THSD7B: variants seen among roughly 807,000 people sequenced by gnomAD.
The protein encoded by THSD7B is thrombospondin type-1 domain-containing protein 7B.
A neutral mutation model predicts 213.6 loss-of-function variants in THSD7B; 138 were observed. The observed-to-expected ratio is 0.65, with a 90% CI of 0.56 to 0.74. The LOEUF (loss-of-function observed/expected upper bound fraction) is 0.74, where lower values mean the gene tolerates loss of function less well. THSD7B is among the 30% of genes least tolerant of loss of function. The probability of loss-of-function intolerance (pLI) is 0.00; values close to 1 mark genes in which losing one functional copy is unlikely to be tolerated. For missense variants in THSD7B, 1,931 were observed against 1,991.5 expected (o/e 0.97, Z 0.58); for synonymous variants, 742 against 687.0 (o/e 1.08, Z -1.25).
At chr2:136,998,944 A>G (rs1174880790) in intron 2 of THSD7B, among the ~76,000 whole-genome samples, 1 of 148,184 alleles carries the variant, frequency 6.7e-6, no homozygotes, top group African/African-American at 2.6e-5. Context: ...ACACACACAC[A>G]CACACACACA....
intron 12 of THSD7B, among the ~76,000 whole-genome samples, chr2:137,347,982 A>G (rs1271957413): frequency 6.6e-6 from 1 of 151,412 alleles, no homozygotes; most frequent in Admixed American, 6.6e-5. Context: ...AAAAAAAAAC[A>G]TAGAAAGCAT....
chr2:137,369,923 T>A (rs1685505181), intron 12 of THSD7B, among the ~76,000 whole-genome samples: 1 of 152,182 alleles, frequency 6.6e-6, no homozygotes, highest in Non-Finnish European at 1.5e-5. Flanking sequence ...TAGTAAGCCA[T>A]TAAAACATGA....
At chr2:137,353,637 T>G (rs1685062980) in intron 12 of THSD7B, among the ~76,000 whole-genome samples, 1 of 152,118 alleles carries the variant, frequency 6.6e-6, no homozygotes, top group South Asian at 2.1e-4. Context: ...TGGCATTCTT[T>G]TAAGTGTTTT....
At chr2:137,656,665 C>A in intron 22 of THSD7B, 131 bp from the exon 23 acceptor site, 1 of 751,772 alleles carries the variant, frequency 1.3e-6, no homozygotes, top group Non-Finnish European at 2.0e-6. Flanking sequence ...GAAAATTGAT[C>A]AATATAGAAT....
intron 4 of THSD7B, among the ~76,000 whole-genome samples, chr2:137,103,057 A>G (rs1351630273): frequency 6.6e-6 from 1 of 152,158 alleles, no homozygotes; most frequent in Non-Finnish European, 1.5e-5. Flanking sequence ...ATACTCCTCA[A>G]TAAGAGCAAC....
Position 136,821,111 on chromosome 2 carries a change from T to C in THSD7B, c.-36+55424T>C, listed in dbSNP as rs143917444. ...ATATTCTTGCAACCTTTCTGTGAGT[T>C]TGATGTTTTTAATGAAAATTAGAAA... On this transcript the variant is annotated intron_variant, in intron 1 of 27. Coordinates refer to ENST00000409968, the MANE Select transcript of THSD7B (RefSeq NM_001316349.2). Among the ~76,000 whole-genome samples the C allele has an allele frequency of 4.7e-4, 72 of 152,314 alleles. 1 individual carries two copies. The East Asian group carries it at 0.013, about 27-fold the overall frequency.
In THSD7B at chr2:137,115,289, G is replaced by T; in HGVS notation, c.1365G>T (p.Lys455Asn). ...SVPAAAALRA[K>N]EVSRPVEKAL... ...CAGCAGCTGCCGCACTGAGGGCCAAGGAAGGTAGGCAGCCAGTTCCGGGAC... is the reference window on the plus strand; with the variant it reads ...CAGCAGCTGCCGCACTGAGGGCCAATGAAGGTAGGCAGCCAGTTCCGGGAC... Residue 455 changes from lysine (K) to asparagine (N), a missense_variant, in exon 5 of 28, where the codon AAG becomes AAT. By Grantham distance (94) the Lys-to-Asn change is moderately conservative. Coordinates refer to ENST00000409968, the MANE Select transcript of THSD7B (RefSeq NM_001316349.2). 1 of 1,557,336 alleles carries T rather than the reference G, an allele frequency of 6.4e-7. No individual in the cohort carries two copies.
chr2:137,216,925 C>T (rs1317937033), intron 7 of THSD7B, among the ~76,000 whole-genome samples: 1 of 152,158 alleles, frequency 6.6e-6, no homozygotes, highest in Non-Finnish European at 1.5e-5. Context: ...CCTGTATCTT[C>T]TAAGAGATAT....
At chr2:137,260,047 A>G (rs79810165) in intron 10 of THSD7B, among the ~76,000 whole-genome samples, 3,390 of 152,254 alleles carry the variant, frequency 0.022, 51 homozygotes, top group East Asian at 0.052. Context: ...CCCAACGGCC[A>G]GTGCTCCAAA....
chr2:136,795,229 T>C (rs1682040633), intron 1 of THSD7B, among the ~76,000 whole-genome samples: 1 of 151,962 alleles, frequency 6.6e-6, no homozygotes, highest in East Asian at 1.9e-4. Context: ...GTATTTCTTT[T>C]GGAGTGTCAA....
At chr2:137,277,229 A>G (rs1682896227) in intron 12 of THSD7B, among the ~76,000 whole-genome samples, 1 of 152,076 alleles carries the variant, frequency 6.6e-6, no homozygotes, top group Admixed American at 6.6e-5. Context: ...CTGCAAGGAT[A>G]TTGTATGTAA....
At chr2:136,803,769 G>T (rs1217410014) in intron 1 of THSD7B, among the ~76,000 whole-genome samples, 7 of 152,140 alleles carry the variant, frequency 4.6e-5, no homozygotes, top group African/African-American at 1.4e-4. Flanking sequence ...CAAGTCCAAA[G>T]TCTGAGCATC....
At chr2:137,272,844 T>G (rs1682777520) in intron 11 of THSD7B, among the ~76,000 whole-genome samples, 182 bp downstream of exon 11, 1 of 152,020 alleles carries the variant, frequency 6.6e-6, no homozygotes, top group East Asian at 1.9e-4. Context: ...AGTAGAGATA[T>G]GAAAGTCTAA....
At chr2:137,195,297 A>C (rs994677027) in intron 7 of THSD7B, among the ~76,000 whole-genome samples, 3 of 151,880 alleles carry the variant, frequency 2.0e-5, no homozygotes, top group Non-Finnish European at 2.9e-5. Context: ...GACATATATC[A>C]ATTTTTCAGC....
intron 15 of THSD7B, among the ~76,000 whole-genome samples, chr2:137,479,221 C>A (rs1230067347): frequency 6.6e-6 from 1 of 152,062 alleles, no homozygotes; most frequent in Non-Finnish European, 1.5e-5. Flanking sequence ...GTCTCCAGGC[C>A]CACAGGTGGT....
intron 15 of THSD7B, among the ~76,000 whole-genome samples, chr2:137,490,122 G>A (rs1404430484): frequency 6.6e-6 from 1 of 152,170 alleles, no homozygotes; most frequent in Non-Finnish European, 1.5e-5. Context: ...AGTGAGTATA[G>A]CTAAGACATG....
chr2:137,408,288 C>T (rs1016804290), intron 13 of THSD7B, among the ~76,000 whole-genome samples: 5 of 151,964 alleles, frequency 3.3e-5, no homozygotes, highest in African/African-American at 4.8e-5. Flanking sequence ...TCTTTTTTCT[C>T]CTCCTCCCTC....
At chr2:137,058,464 C>T (rs1355282238) in intron 3 of THSD7B, among the ~76,000 whole-genome samples, 1 of 151,880 alleles carries the variant, frequency 6.6e-6, no homozygotes, top group African/African-American at 2.4e-5. Flanking sequence ...TTTTAATAGA[C>T]TTGATTTTTC....
intron 4 of THSD7B, among the ~76,000 whole-genome samples, chr2:137,097,351 G>A (rs1002841099): frequency 6.6e-6 from 1 of 152,064 alleles, no homozygotes; most frequent in African/African-American, 2.4e-5. Context: ...AGTACCTACT[G>A]TTGGCCAATA....
Sources: gnomAD v4.1 joint callset for allele counts (sites outside exome capture counted in the v4.1 genomes callset) on GRCh38, gnomAD v4.1.1 for gene constraint, MANE v1.5 for transcripts, NCBI Gene and HGNC (gene_info 2026-07-23, HGNC 2026-07-21) for gene names.